The following ANKS1B variants were observed in gnomAD, a reference collection of about 807,000 sequenced individuals.
ANKS1B encodes ankyrin repeat and sterile alpha motif domain-containing protein 1B.
Under a neutral mutation model 148.3 loss-of-function variants are expected in ANKS1B, and 36 were observed. The ratio of observed to expected loss-of-function variants is 0.24; its 90% CI spans 0.19 to 0.32. The LOEUF (loss-of-function observed/expected upper bound fraction) is 0.32, where lower values mean the gene tolerates loss of function less well. Ranked by LOEUF, ANKS1B falls within the 10% of genes least tolerant of loss-of-function variation. The pLI is 1.00. For missense variants in ANKS1B, 1,157 were observed against 1,542.6 expected (o/e 0.75, Z 4.19); for synonymous variants, 542 against 560.8 (o/e 0.97, Z 0.47).
At chr12:98,766,143 A>G (rs757761028) in intron 25 of ANKS1B, among the ~76,000 whole-genome samples, 2 of 152,212 alleles carry the variant, frequency 1.3e-5, no homozygotes, top group African/African-American at 2.4e-5. Flanking sequence ...CACCCCCAAA[A>G]TAGGGATGAG....
intron 9 of ANKS1B, among the ~76,000 whole-genome samples, chr12:99,611,667 T>C (rs1182492136): frequency 6.6e-6 from 1 of 152,032 alleles, no homozygotes; most frequent in Non-Finnish European, 1.5e-5. Context: ...GCAGCTTCAG[T>C]GAAATTATTT....
At chr12:99,104,112 C>T (rs572056000) in intron 15 of ANKS1B, among the ~76,000 whole-genome samples, 3 of 152,090 alleles carry the variant, frequency 2.0e-5, no homozygotes, top group African/African-American at 7.2e-5. Flanking sequence ...AAAGATAATG[C>T]TCAGAGAAGG....
At chr12:99,829,880 T>C (rs1403049890) in intron 1 of ANKS1B, among the ~76,000 whole-genome samples, 1 of 151,794 alleles carries the variant, frequency 6.6e-6, no homozygotes, top group Non-Finnish European at 1.5e-5. Flanking sequence ...TGATAAAAAA[T>C]AAAAATAAAA....
intron 8 of ANKS1B, among the ~76,000 whole-genome samples, chr12:99,767,739 T>C (rs2062789445): frequency 6.6e-6 from 1 of 152,112 alleles, no homozygotes; most frequent in African/African-American, 2.4e-5. Flanking sequence ...ATTATAAGAG[T>C]ATATAAAACA....
At chr12:99,004,986 G>A (rs979679359) in intron 17 of ANKS1B, among the ~76,000 whole-genome samples, 2 of 152,114 alleles carry the variant, frequency 1.3e-5, no homozygotes, top group Non-Finnish European at 2.9e-5. Flanking sequence ...CTGTGCCCTC[G>A]CAAGGAGCAG....
At chr12:98,896,693 G>A (rs2099765181) in intron 17 of ANKS1B, among the ~76,000 whole-genome samples, 2 of 152,182 alleles carry the variant, frequency 1.3e-5, no homozygotes, top group African/African-American at 4.8e-5. Flanking sequence ...CTTGACTGGT[G>A]TACTCTTTGA....
chr12:99,534,125 A>T (rs1222819279), intron 9 of ANKS1B, among the ~76,000 whole-genome samples: 1 of 152,242 alleles, frequency 6.6e-6, no homozygotes, highest in Non-Finnish European at 1.5e-5. Context: ...CAACAAAAAT[A>T]TTGACAAATA....
intron 17 of ANKS1B, among the ~76,000 whole-genome samples, chr12:98,934,709 A>AT (rs960848042): frequency 2.0e-5 from 3 of 151,372 alleles, no homozygotes; most frequent in African/African-American, 7.3e-5. Flanking sequence ...TAGATATTTT[A>AT]TTTTTTTGGT....
intron 17 of ANKS1B, among the ~76,000 whole-genome samples, chr12:98,836,359 CAT>C (rs1163924862): frequency 8.5e-5 from 13 of 152,280 alleles, no homozygotes; most frequent in African/African-American, 3.1e-4. Flanking sequence ...GTGAAATACA[CAT>C]ATAGACCAAG....
chr12:99,053,971 C>T (rs891324559), intron 16 of ANKS1B, among the ~76,000 whole-genome samples: 1 of 152,002 alleles, frequency 6.6e-6, no homozygotes, highest in Non-Finnish European at 1.5e-5. Context: ...AATAGGAGAA[C>T]AAAGAAATGT....
chr12:99,711,880 T>C (rs2056686056), intron 8 of ANKS1B, among the ~76,000 whole-genome samples: 2 of 152,116 alleles, frequency 1.3e-5, no homozygotes, highest in Non-Finnish European at 2.9e-5. Context: ...CATTCTGTCA[T>C]AAAGACATGC....
chr12:99,040,971 C>T (rs1598858611), intron 17 of ANKS1B, among the ~76,000 whole-genome samples: 1 of 152,168 alleles, frequency 6.6e-6, no homozygotes, highest in African/African-American at 2.4e-5. Flanking sequence ...CTCTTGTTCA[C>T]TGAGCAAGAG....
Position 99,235,553 on chromosome 12 carries a change from G to A in ANKS1B, c.2419+8789C>T, listed in dbSNP as rs79259489. Among the ~76,000 whole-genome samples the A allele has an allele frequency of 5.1e-4, 78 of 152,262 alleles. No homozygotes were observed. In the East Asian group the frequency reaches 0.012, roughly 23 times the overall value. ...TAAGCAGGCCTGAAAGAATTACGTG[G>A]CAACATATGTTGCTAGGCTGGTTCG... On this transcript the variant is annotated intron_variant, in intron 14 of 26. Transcript: ENST00000683438.
intron 4 of ANKS1B, among the ~76,000 whole-genome samples, chr12:99,788,438 A>C (rs1226344423): frequency 6.6e-6 from 1 of 152,164 alleles, no homozygotes; most frequent in African/African-American, 2.4e-5. Context: ...CTGACTAAAG[A>C]GCTCTTGGAG....
chr12:98,791,921 A>G (rs2098868581), intron 22 of ANKS1B, among the ~76,000 whole-genome samples: 1 of 152,204 alleles, frequency 6.6e-6, no homozygotes. Context: ...ATTTCCATCT[A>G]ATTTTAAGAT....
intron 1 of ANKS1B, among the ~76,000 whole-genome samples, chr12:99,970,672 T>C (rs753471761): frequency 6.6e-6 from 1 of 152,160 alleles, no homozygotes; most frequent in Non-Finnish European, 1.5e-5. Context: ...CCAAGCTATA[T>C]TCTATATTTT....
intron 8 of ANKS1B, among the ~76,000 whole-genome samples, chr12:99,676,208 C>A (rs1197869796): frequency 1.3e-5 from 2 of 152,130 alleles, no homozygotes; most frequent in East Asian, 1.9e-4. Flanking sequence ...GCTTCCCCAG[C>A]CCTGTGGAAC....
chr12:99,919,567 A>G (rs1313546487), intron 1 of ANKS1B, among the ~76,000 whole-genome samples: 5 of 152,240 alleles, frequency 3.3e-5, no homozygotes, highest in African/African-American at 1.2e-4. Flanking sequence ...TAGATTAGAA[A>G]GCAGGTAGAC....
chr12:99,230,025 G>GA (rs67244432), intron 14 of ANKS1B, among the ~76,000 whole-genome samples: 5 of 151,384 alleles, frequency 3.3e-5, no homozygotes, highest in Admixed American at 2.6e-4. Flanking sequence ...GAAGTCCAAG[G>GA]AAAAAAAAAG....
Sources: allele counts gnomAD v4.1 joint callset (sites outside exome capture counted in the v4.1 genomes callset), GRCh38; gene constraint gnomAD v4.1.1; transcripts MANE v1.5; gene names NCBI Gene and HGNC (gene_info 2026-07-23, HGNC 2026-07-21).